Variants in DIRAS2 observed in about 807,000 individuals in gnomAD.
The protein encoded by DIRAS2 is DIRAS family GTPase 2, also known as GTP-binding protein Di-Ras2.
A neutral mutation model predicts 13.9 loss-of-function variants in DIRAS2; 5 were observed. That is an observed-to-expected ratio of 0.36 (90% confidence interval 0.19 to 0.76). DIRAS2 has a LOEUF of 0.76. Ranked by LOEUF, DIRAS2 falls within the 30% of genes least tolerant of loss-of-function variation. The pLI, the probability that DIRAS2 is intolerant of heterozygous loss-of-function variation, is 0.53. For synonymous variants in DIRAS2, 111 were observed against 105.4 expected, an observed-to-expected ratio of 1.05 and a Z score of -0.33; for missense variants, 191 against 263.0, an observed-to-expected ratio of 0.73 and a Z score of 1.89.
At chr9:90,625,268 A>C (rs571100208) in intron 1 of DIRAS2, among the ~76,000 whole-genome samples, 3 of 152,336 alleles carry the variant, frequency 2.0e-5, no homozygotes, top group African/African-American at 7.2e-5. Context: ...ATTCTTGGTT[A>C]GGTGAATTTC....
At chr9:90,640,587 C>T (rs1029400561) in intron 1 of DIRAS2, among the ~76,000 whole-genome samples, 1 of 152,160 alleles carries the variant, frequency 6.6e-6, no homozygotes, top group African/African-American at 2.4e-5. Context: ...AAATCAGTGT[C>T]CTACAAATCA....
chr9:90,638,472 G>C (rs1323086096), intron 1 of DIRAS2, among the ~76,000 whole-genome samples: 1 of 152,168 alleles, frequency 6.6e-6, no homozygotes, highest in African/African-American at 2.4e-5. Context: ...ACATTTTGTG[G>C]TCTGCTACCA....
chr9:90,633,470 C>G (rs1276830248), intron 1 of DIRAS2, among the ~76,000 whole-genome samples: 1 of 152,122 alleles, frequency 6.6e-6, no homozygotes, highest in Non-Finnish European at 1.5e-5. Flanking sequence ...CCTCCAAGTG[C>G]CTTTGGGACA....
At chr9:90,638,060 A>G (rs1825386493) in intron 1 of DIRAS2, among the ~76,000 whole-genome samples, 1 of 152,216 alleles carries the variant, frequency 6.6e-6, no homozygotes, top group Non-Finnish European at 1.5e-5. Flanking sequence ...CAATTTAACA[A>G]ACTTTTCCTT....
intron 1 of DIRAS2, among the ~76,000 whole-genome samples, chr9:90,615,537 T>TA (rs1318585741): frequency 3.3e-5 from 5 of 152,196 alleles, no homozygotes; most frequent in Non-Finnish European, 7.4e-5. Flanking sequence ...ACAATTTTTT[T>TA]AAAAAAACTC....
rs558697352 is a variant in DIRAS2 at position 90,624,084 on chromosome 9, G to A, written c.-36-10221C>T. ...CTGCTCAATTACTGACTTGGTTTCC[G>A]TGAAATGTTATTAGCTTTAAACAAA... On this transcript the variant is annotated intron_variant, in intron 1 of 1. Transcript: ENST00000375765. Among the ~76,000 whole-genome samples the A allele has an allele frequency of 3.3e-5, 5 of 152,322 alleles. No homozygotes were observed. In the South Asian group the frequency reaches 8.3e-4, roughly 25 times the overall value.
Position 90,613,306 on chromosome 9 carries a change from C to A in DIRAS2, c.522G>T (p.Val174=). The change falls in exon 2 of 2, where the codon GTG becomes GTT. Residue 174 remains valine (V), a synonymous_variant. Coordinates refer to ENST00000375765, the MANE Select transcript of DIRAS2 (RefSeq NM_017594.5). The surrounding 1 kb of genome is among the most constrained non-coding windows in gnomAD (Gnocchi z 5.6). ...TCTTTTTCCCGTCGATCTGGAGACT[C>A]ACGGTCCTGCGCTTCTCCAGGTTGA... ...ELLNLEKRRT[V]SLQIDGKKSK... 1 of 1,613,976 alleles carries A rather than the reference C, an allele frequency of 6.2e-7. No homozygotes were observed. Among genetic ancestry groups the A allele is most frequent in the Non-Finnish European group, 8.5e-7 (1 of 1,180,020 alleles).
Position 90,613,195 on chromosome 9 carries a change from G to A in DIRAS2, c.*33C>T. ...CATTTTGGGGGAGTGAGGTGCCGGGGACACACAGCTGCTCCTCCCGCAGGA... is the reference window on the plus strand; with the variant it reads ...CATTTTGGGGGAGTGAGGTGCCGGGAACACACAGCTGCTCCTCCCGCAGGA... On this transcript the variant is annotated 3_prime_UTR_variant, in exon 2 of 2. Transcript: ENST00000375765. The surrounding 1 kb of genome is among the most constrained non-coding windows in gnomAD (Gnocchi z 5.6). The A allele has an allele frequency of 6.3e-7, 1 of 1,586,262 alleles. No homozygotes were observed. Among genetic ancestry groups the A allele is most frequent in the South Asian group, 1.2e-5 (1 of 85,902 alleles).
chr9:90,638,563 G>T (rs111460534), intron 1 of DIRAS2, among the ~76,000 whole-genome samples: 2,889 of 152,230 alleles, frequency 0.019, 107 homozygotes, highest in African/African-American at 0.066. Context: ...GAAGCAAAAG[G>T]CTTAGTCAAT....
At chr9:90,627,456 T>C (rs894264130) in intron 1 of DIRAS2, among the ~76,000 whole-genome samples, 2 of 152,186 alleles carry the variant, frequency 1.3e-5, no homozygotes, top group Non-Finnish European at 2.9e-5. Flanking sequence ...AATTCACTTA[T>C]AGCGGGTACA....
chr9:90,640,172 C>T (rs1045787574), intron 1 of DIRAS2, among the ~76,000 whole-genome samples: 11 of 152,292 alleles, frequency 7.2e-5, no homozygotes, highest in South Asian at 2.1e-4. Context: ...TTTTCCATTA[C>T]GACCATTAGG....
At chr9:90,626,516 C>T (rs188294154) in intron 1 of DIRAS2, among the ~76,000 whole-genome samples, 1 of 150,548 alleles carries the variant, frequency 6.6e-6, no homozygotes, top group East Asian at 1.9e-4. Context: ...CCAACAAGCA[C>T]ATAAAAAGAT....
intron 1 of DIRAS2, among the ~76,000 whole-genome samples, chr9:90,623,974 C>T (rs1825245133): frequency 6.6e-6 from 1 of 152,148 alleles, no homozygotes; most frequent in Non-Finnish European, 1.5e-5. Context: ...TACTATTCTG[C>T]CCTAAATGTT....
chr9:90,614,326 G>A (rs1036102115), intron 1 of DIRAS2, among the ~76,000 whole-genome samples: 1 of 151,382 alleles, frequency 6.6e-6, no homozygotes, highest in Non-Finnish European at 1.5e-5. Flanking sequence ...GTGTGTGTGT[G>A]TGTGTGTGTG....
rs1542479 is a variant in DIRAS2 at position 90,610,767 on chromosome 9, G to A, written c.*2461C>T. On this transcript the variant is annotated 3_prime_UTR_variant, in exon 2 of 2. Transcript: ENST00000375765. ...GATCTCAAAATGAAGACCCATAATT[G>A]AGGCTTCAATAGCCTTCCTAGCCTA... 0.037 allele frequency: 8,530 copies of A among 232,032 alleles called. 274 individuals carry two copies. Among genetic ancestry groups the A allele is most frequent in the South Asian group, 0.14 (754 of 5,526 alleles). 14.4% of individuals were successfully genotyped at this position (232,032 alleles called of 1,614,324 possible).
intron 1 of DIRAS2, among the ~76,000 whole-genome samples, chr9:90,635,661 C>G (rs79545210): frequency 0.01 from 1,581 of 152,348 alleles, 36 homozygotes; most frequent in African/African-American, 0.036. Flanking sequence ...AGCCTTAACA[C>G]TAGGGGCAAA....
At chr9:90,615,158 G>A (rs534175106) in intron 1 of DIRAS2, among the ~76,000 whole-genome samples, 1 of 152,172 alleles carries the variant, frequency 6.6e-6, no homozygotes, top group Non-Finnish European at 1.5e-5. Flanking sequence ...TTAGAGTCCA[G>A]TAAAAATATT....
At chr9:90,642,537 A>G (rs1458029045) in intron 1 of DIRAS2, among the ~76,000 whole-genome samples, 3 of 152,206 alleles carry the variant, frequency 2.0e-5, no homozygotes, top group African/African-American at 7.2e-5. Flanking sequence ...TTTAAAAAAG[A>G]ACATGTTTTA....
intron 1 of DIRAS2, among the ~76,000 whole-genome samples, chr9:90,627,260 C>T (rs1825278777): frequency 6.6e-6 from 1 of 152,174 alleles, no homozygotes; most frequent in African/African-American, 2.4e-5. Flanking sequence ...CCAACTAAGC[C>T]TCTTTTCTTA....
Sources: allele counts gnomAD v4.1 joint callset (sites outside exome capture counted in the v4.1 genomes callset), GRCh38; gene constraint gnomAD v4.1.1; non-coding constraint Gnocchi (gnomAD v3.1); transcripts MANE v1.5; gene names NCBI Gene and HGNC (gene_info 2026-07-23, HGNC 2026-07-21).